Variants in TRPC4 observed in about 807,000 individuals in gnomAD.
The protein encoded by TRPC4 is short transient receptor potential channel 4.
A neutral mutation model predicts 99.4 loss-of-function variants in TRPC4; 49 were observed. The ratio of observed to expected loss-of-function variants is 0.49; its 90% CI spans 0.39 to 0.63. TRPC4 has a LOEUF of 0.63. Ranked by LOEUF, TRPC4 falls within the 20% of genes least tolerant of loss-of-function variation. TRPC4 has a pLI of 0.00. For missense variants in TRPC4, 898 were observed against 1,152.9 expected (o/e 0.78, Z 3.20); for synonymous variants, 454 against 425.9 (o/e 1.07, Z -0.81).
At chr13:37,824,478 A>G (rs1480074464) in intron 1 of TRPC4, among the ~76,000 whole-genome samples, 2 of 152,174 alleles carry the variant, frequency 1.3e-5, no homozygotes, top group South Asian at 2.1e-4. Flanking sequence ...AGTTTTTAGC[A>G]TGAAGGGTTG....
rs550880741 is a variant in TRPC4, at chr13:37,783,240, A to G, written c.94T>C (p.Ser32Pro). Reference sequence around the variant, plus strand: ...ACAGCATTCAAGTAGGCTTTTTCTGATGGCGAGAGTTCTGATTCTGCTCTT... The same window carrying G: ...ACAGCATTCAAGTAGGCTTTTTCTGGTGGCGAGAGTTCTGATTCTGCTCTT... ...IVRAESELSP[S>P]EKAYLNAVEK... is the part of the protein sequence containing the mutation. The change falls in exon 2 of 11, where the codon TCA (serine) becomes CCA (proline). Residue 32 changes from serine to proline, a missense_variant. Physicochemically the swap from Ser to Pro is moderately conservative, Grantham distance 74. Coordinates refer to ENST00000379705, the MANE Select transcript of TRPC4 (RefSeq NM_016179.4). The G allele has an allele frequency of 6.2e-7, 1 of 1,613,628 alleles. No homozygotes were observed. The highest frequency in any genetic ancestry group is 8.5e-7 in the Non-Finnish European group (1 of 1,179,748).
intron 5 of TRPC4, among the ~76,000 whole-genome samples, chr13:37,670,760 G>A (rs9548010): frequency 0.14 from 21,026 of 152,118 alleles, 1,625 homozygotes; most frequent in Middle Eastern, 0.24. Context: ...GATGTGGAAA[G>A]TCCTTCTCAC....
At chr13:37,661,713 A>G (rs1952444495) in intron 6 of TRPC4, among the ~76,000 whole-genome samples, 1 of 150,590 alleles carries the variant, frequency 6.6e-6, no homozygotes, top group Admixed American at 6.6e-5. Context: ...ACTCTCATTT[A>G]TGAAGGAAGA....
At chr13:37,752,097 G>C (rs1410046152) in intron 2 of TRPC4, among the ~76,000 whole-genome samples, 3 of 26,588 alleles carry the variant, frequency 1.1e-4, no homozygotes, top group Admixed American at 3.3e-4. Flanking sequence ...ATATATATAT[G>C]ACTGGTAGAG....
At chr13:37,788,014 C>A (rs1368269568) in intron 1 of TRPC4, among the ~76,000 whole-genome samples, 2 of 152,002 alleles carry the variant, frequency 1.3e-5, no homozygotes, top group African/African-American at 4.8e-5. Context: ...TGGATTTTTA[C>A]CTCATGGGAT....
At chr13:37,661,810 G>A (rs953568727) in intron 6 of TRPC4, among the ~76,000 whole-genome samples, 15 of 151,394 alleles carry the variant, frequency 9.9e-5, no homozygotes, top group African/African-American at 3.6e-4. Context: ...ACGGGAGCCA[G>A]AGGGTAGGGG....
intron 3 of TRPC4, among the ~76,000 whole-genome samples, chr13:37,738,186 A>G (rs1476443407): frequency 1.3e-5 from 2 of 152,198 alleles, no homozygotes; most frequent in Non-Finnish European, 2.9e-5. Context: ...TACAGTAGGT[A>G]GAGAGGATGG....
intron 4 of TRPC4, among the ~76,000 whole-genome samples, chr13:37,675,331 C>T (rs902795470): frequency 1.4e-4 from 22 of 152,134 alleles, no homozygotes; most frequent in African/African-American, 5.1e-4. Flanking sequence ...GCACGTTCCT[C>T]TAAAGCAACC....
intron 8 of TRPC4, among the ~76,000 whole-genome samples, chr13:37,642,359 G>A (rs948163111): frequency 6.6e-6 from 1 of 152,156 alleles, no homozygotes; most frequent in Non-Finnish European, 1.5e-5. Flanking sequence ...CTGGCTAGGG[G>A]TTCCAGCCTA....
chr13:37,767,265 T>C (rs1267883062), intron 2 of TRPC4, among the ~76,000 whole-genome samples: 1 of 150,988 alleles, frequency 6.6e-6, no homozygotes, highest in Non-Finnish European at 1.5e-5. Context: ...TTAAAGATTT[T>C]TAAAATGTCA....
rs1951502317 is a variant in TRPC4 at position 37,635,912 on chromosome 13, G to A, written c.*991C>T. Among the ~76,000 whole-genome samples, 2 of 152,186 alleles carry A rather than the reference G, an allele frequency of 1.3e-5. No homozygotes were observed. Among genetic ancestry groups the A allele is most frequent in the South Asian group, 4.1e-4 (2 of 4,830 alleles). ...AATATATAAAGATTACTGGTGAAAA[G>A]AGGAGACTGCTAGTTTTTTTGTACT... On this transcript the variant is annotated 3_prime_UTR_variant, in exon 11 of 11. Coordinates refer to ENST00000379705, the MANE Select transcript of TRPC4 (RefSeq NM_016179.4).
intron 2 of TRPC4, among the ~76,000 whole-genome samples, chr13:37,764,350 T>A (rs1016879720): frequency 2.6e-5 from 4 of 151,346 alleles, no homozygotes; most frequent in Admixed American, 1.3e-4. Flanking sequence ...TTTTAAATTA[T>A]AATTTCCTGA....
At chr13:37,837,102 G>C (rs1387002875) in intron 1 of TRPC4, among the ~76,000 whole-genome samples, 1 of 152,186 alleles carries the variant, frequency 6.6e-6, no homozygotes, top group Non-Finnish European at 1.5e-5. Context: ...TCAAGAATTG[G>C]GGTTTGGAAA....
At chr13:37,755,635 C>G (rs1956078253) in intron 2 of TRPC4, among the ~76,000 whole-genome samples, 2 of 151,802 alleles carry the variant, frequency 1.3e-5, no homozygotes, top group Non-Finnish European at 2.9e-5. Flanking sequence ...CTCCTAGGCT[C>G]AAATGATCCT....
At chr13:37,653,811 C>A (rs933720596) in intron 7 of TRPC4, among the ~76,000 whole-genome samples, 2 of 152,104 alleles carry the variant, frequency 1.3e-5, no homozygotes, top group Admixed American at 6.6e-5. Context: ...TTGTATCTAG[C>A]TTGATAATTA....
chr13:37,826,967 T>C (rs193211096), intron 1 of TRPC4, among the ~76,000 whole-genome samples: 8,863 of 152,092 alleles, frequency 0.058, 358 homozygotes, highest in Non-Finnish European at 0.086. Context: ...AGGCTTTGCT[T>C]GTTTCTTTTT....
At chr13:37,765,433 T>A (rs1181289699) in intron 2 of TRPC4, among the ~76,000 whole-genome samples, 1 of 151,476 alleles carries the variant, frequency 6.6e-6, no homozygotes, top group African/African-American at 2.4e-5. Context: ...TTGATTACAG[T>A]GTGATCTCTT....
At chr13:37,639,201 G>C (rs868831395) in intron 9 of TRPC4, 57 bp downstream of exon 9, 5 of 1,612,330 alleles carry the variant, frequency 3.1e-6, no homozygotes, top group Admixed American at 3.3e-5. Flanking sequence ...AGTTCTGAAG[G>C]GGGGACTGCA....
chr13:37,755,138 G>A lies in TRPC4; in HGVS notation c.379-8683C>T, dbSNP rs1284052435. Among the ~76,000 whole-genome samples, 7 of 151,872 alleles carry A rather than the reference G, an allele frequency of 4.6e-5. No homozygotes were observed. The East Asian group carries it at 7.8e-4, about 17-fold the overall frequency. On this transcript the variant is annotated intron_variant, in intron 2 of 10. Transcript: ENST00000379705. ...GAAGTGACATTCATACAATTTAAGG[G>A]TATTCATTCTATTAAATTCAGTTTT...
Sources: allele counts gnomAD v4.1 joint callset (sites outside exome capture counted in the v4.1 genomes callset), GRCh38; gene constraint gnomAD v4.1.1; transcripts MANE v1.5; gene names NCBI Gene and HGNC (gene_info 2026-07-23, HGNC 2026-07-21).